The following L3MBTL4 variants were observed in gnomAD, a reference collection of about 807,000 sequenced individuals.
The protein encoded by L3MBTL4 is L3MBTL histone methyl-lysine binding protein 4, also known as lethal(3)malignant brain tumor-like protein 4.
A neutral mutation model predicts 84.5 loss-of-function variants in L3MBTL4; 70 were observed. The ratio of observed to expected loss-of-function variants is 0.83; its 90% CI spans 0.68 to 1.01. L3MBTL4 has a LOEUF of 1.01. Ranked by LOEUF, L3MBTL4 falls within the 50% of genes least tolerant of loss-of-function variation. The pLI, the probability that L3MBTL4 is intolerant of heterozygous loss-of-function variation, is 0.00. For missense variants in L3MBTL4, 715 were observed against 754.8 expected, an observed-to-expected ratio of 0.95 and a Z score of 0.62; for synonymous variants, 274 against 259.8, an observed-to-expected ratio of 1.05 and a Z score of -0.52.
intron 16 of L3MBTL4, among the ~76,000 whole-genome samples, chr18:6,035,664 A>G (rs923517082): frequency 1.3e-5 from 2 of 152,136 alleles, no homozygotes; most frequent in African/African-American, 4.8e-5. Context: ...ACTTTAAAGT[A>G]GTTTTTTCCA....
chr18:6,359,732 G>A (rs2053599299), intron 1 of L3MBTL4, among the ~76,000 whole-genome samples: 1 of 152,048 alleles, frequency 6.6e-6, no homozygotes, highest in South Asian at 2.1e-4. Flanking sequence ...GAAGTACTAG[G>A]TGACCAAAGC....
chr18:6,109,076 G>T (rs951980346), intron 14 of L3MBTL4, among the ~76,000 whole-genome samples: 4 of 152,136 alleles, frequency 2.6e-5, no homozygotes, highest in Admixed American at 1.3e-4. Context: ...TGTACTTTTA[G>T]AGGGAGTTTA....
intron 1 of L3MBTL4, among the ~76,000 whole-genome samples, chr18:6,347,039 T>C (rs1231752270): frequency 6.6e-6 from 1 of 152,042 alleles, no homozygotes; most frequent in Non-Finnish European, 1.5e-5. Context: ...CATGGATGGA[T>C]CCAGAGGGCA....
chr18:6,199,332 C>T (rs73383978), intron 12 of L3MBTL4, among the ~76,000 whole-genome samples: 13,652 of 152,220 alleles, frequency 0.09, 2,014 homozygotes, highest in African/African-American at 0.31. Context: ...GCTATTTCCA[C>T]TTAAATTCAT....
intron 16 of L3MBTL4, among the ~76,000 whole-genome samples, chr18:5,978,929 A>G (rs2053083425): frequency 6.6e-6 from 1 of 152,114 alleles, no homozygotes; most frequent in South Asian, 2.1e-4. Flanking sequence ...GAACGAATAT[A>G]AGCTATCAGC....
chr18:5,987,725 G>A (rs2053527976), intron 16 of L3MBTL4, among the ~76,000 whole-genome samples: 5 of 152,112 alleles, frequency 3.3e-5, no homozygotes, highest in Admixed American at 2.6e-4. Context: ...GGAAAGGTGA[G>A]CAATACAACT....
In L3MBTL4 at chr18:6,263,198, G is replaced by A. The variant is rs368340056; in HGVS notation, c.219+749C>T. On this transcript the variant is annotated intron_variant, in intron 5 of 18. Coordinates refer to ENST00000317931, the MANE Select transcript of L3MBTL4 (RefSeq NM_001330559.2). ...GCAGGAGAATCGCTTGAACCAGGGA[G>A]TTGGAGGTTGCCACGAGCCAAGATC... Among the ~76,000 whole-genome samples the A allele has an allele frequency of 1.2e-3, 176 of 150,944 alleles. 1 individual carries two copies. In the South Asian group the frequency reaches 0.015, roughly 13 times the overall value.
In L3MBTL4 at chr18:6,071,295, G is replaced by T. The variant is rs542201240; in HGVS notation, c.1444+9586C>A. On this transcript the variant is annotated intron_variant, in intron 16 of 18. Transcript: ENST00000317931. ...AATCCCAGCTACTTGTGAGGCTGAG[G>T]CATCAGAATCACTTGAACCCAGGAG... 3.6e-3 allele frequency among the ~76,000 whole-genome samples: 545 copies of T among 151,770 alleles called. 4 individuals carry two copies. Among genetic ancestry groups the T allele is most frequent in the South Asian group, 7.3e-3 (35 of 4,794 alleles).
At position 6,093,455 on chromosome 18, in the gene L3MBTL4, T is replaced by C. The variant is rs1056339950; in HGVS notation, c.1273A>G (p.Thr425Ala). Residue 425 changes from threonine (T) to alanine (A), a missense_variant, in exon 15 of 19, where the codon ACA becomes GCA. Thr to Ala is a moderately conservative substitution (Grantham distance 58). Transcript: ENST00000317931. Reference protein sequence around the residue: ...ATLHDRLREQTQANLESDSSH... With the variant: ...ATLHDRLREQAQANLESDSSH... ...GAGTCTGATTCCAAATTTGCCTGTG[T>C]TTGTTCTCTCAAACGATCGTGAAGT... 3.1e-6 allele frequency: 5 copies of C among 1,614,122 alleles called. No individual in the cohort carries two copies. In the Admixed American group the frequency reaches 6.7e-5, roughly 22 times the overall value.
At chr18:6,002,271 T>A (rs1251791067) in intron 16 of L3MBTL4, among the ~76,000 whole-genome samples, 2 of 152,166 alleles carry the variant, frequency 1.3e-5, no homozygotes, top group Admixed American at 1.3e-4. Flanking sequence ...TCATTTTCAG[T>A]AGACCTGCCT....
chr18:6,022,151 CA>C (rs1433967571), intron 16 of L3MBTL4, among the ~76,000 whole-genome samples: 1 of 152,226 alleles, frequency 6.6e-6, no homozygotes, highest in Non-Finnish European at 1.5e-5. Flanking sequence ...TATTTCTCCA[CA>C]AGTATTTCTT....
rs771825177 is a variant in L3MBTL4 at position 6,185,960 on chromosome 18, C to CTTTATTTTATTTTATTTTAT, written c.982-14038_982-14019dup. Among the ~76,000 whole-genome samples the CTTTATTTTATTTTATTTTAT allele has an allele frequency of 9.9e-3, 1,441 of 145,858 alleles. 53 individuals are homozygous for CTTTATTTTATTTTATTTTAT. Among genetic ancestry groups the CTTTATTTTATTTTATTTTAT allele is most frequent in the African/African-American group, 0.037 (1,388 of 37,098 alleles). ...AAGTGAAAACCAAAAAGGGCACTTT[C>CTTTATTTTATTTTATTTTAT]TTTATTTTATTTTATTTTATTTTAT... On this transcript the variant is annotated intron_variant, in intron 12 of 18. Coordinates refer to ENST00000317931, the MANE Select transcript of L3MBTL4 (RefSeq NM_001330559.2).
chr18:6,237,868 A>G (rs1188623789), intron 10 of L3MBTL4, 96 bp downstream of exon 10: 4 of 871,510 alleles, frequency 4.6e-6, no homozygotes, highest in Non-Finnish European at 7.8e-6. Context: ...TATTAAATAG[A>G]TATGTATTAA....
intron 12 of L3MBTL4, among the ~76,000 whole-genome samples, chr18:6,196,991 G>A (rs1307012947): frequency 1.3e-5 from 2 of 152,198 alleles, no homozygotes; most frequent in East Asian, 3.8e-4. Context: ...CCATCCAAAA[G>A]GCAAGGCCAA....
chr18:5,989,077 T>G (rs2145119136), intron 16 of L3MBTL4, among the ~76,000 whole-genome samples: 1 of 152,232 alleles, frequency 6.6e-6, no homozygotes, highest in South Asian at 2.1e-4. Context: ...TGGGGGCCTG[T>G]GGGGAACTGG....
chr18:6,171,296 T>G (rs559412756), intron 13 of L3MBTL4, among the ~76,000 whole-genome samples: 2 of 152,320 alleles, frequency 1.3e-5, no homozygotes, highest in South Asian at 4.1e-4. Flanking sequence ...TATTTTGGGT[T>G]GAGGCTCATT....
At chr18:6,107,781 G>A (rs996201931) in intron 14 of L3MBTL4, among the ~76,000 whole-genome samples, 4 of 152,156 alleles carry the variant, frequency 2.6e-5, no homozygotes, top group Non-Finnish European at 5.9e-5. Context: ...ACCAGCAGAT[G>A]CCTGTGGCTG....
At chr18:6,252,515 T>C (rs546189746) in intron 5 of L3MBTL4, among the ~76,000 whole-genome samples, 1 of 152,338 alleles carries the variant, frequency 6.6e-6, no homozygotes, top group African/African-American at 2.4e-5. Context: ...CAAATTATTT[T>C]GAGTGGTTCA....
chr18:6,292,882 AG>A (rs748124230), intron 4 of L3MBTL4, among the ~76,000 whole-genome samples: 28,624 of 151,886 alleles, frequency 0.19, 2,802 homozygotes, highest in African/African-American at 0.24. Context: ...TCCAACTCTA[AG>A]ACTAGTTCTA....
Sources: gnomAD v4.1 joint callset for allele counts (sites outside exome capture counted in the v4.1 genomes callset) on GRCh38, gnomAD v4.1.1 for gene constraint, MANE v1.5 for transcripts, NCBI Gene and HGNC (gene_info 2026-07-23, HGNC 2026-07-21) for gene names.